The following BFSP2 variants were observed in gnomAD, a reference collection of about 807,000 sequenced individuals.
BFSP2 encodes beaded filament structural protein 2.
In BFSP2, 38 loss-of-function variants were observed where a neutral mutation model predicts 44.9. The observed-to-expected ratio is 0.85, with a 90% confidence interval of 0.65 to 1.11. The LOEUF (loss-of-function observed/expected upper bound fraction) is 1.11, where lower values mean the gene tolerates loss of function less well. BFSP2 is among the 50% of genes least tolerant of loss of function. The pLI is 0.00. For synonymous variants in BFSP2, 197 were observed against 209.9 expected (o/e 0.94, Z 0.53); for missense variants, 525 against 533.0 (o/e 0.99, Z 0.15).
chr3:133,420,043 G>A (rs2073578555), intron 1 of BFSP2, among the ~76,000 whole-genome samples: 1 of 152,212 alleles, frequency 6.6e-6, no homozygotes, highest in African/African-American at 2.4e-5. Context: ...CCCAGTGGTA[G>A]GGGCCAAGAT....
chr3:133,450,184 T>C, intron 3 of BFSP2, 119 bp from the exon 4 acceptor site: 2 of 1,129,298 alleles, frequency 1.8e-6, no homozygotes, highest in Non-Finnish European at 2.6e-6. Flanking sequence ...GTGAAGCCTG[T>C]GTCTGGCAGT....
intron 4 of BFSP2, among the ~76,000 whole-genome samples, chr3:133,459,966 T>G (rs1220207053): frequency 6.6e-6 from 1 of 152,196 alleles, no homozygotes; most frequent in Non-Finnish European, 1.5e-5. Context: ...GAGCACATTC[T>G]AGGTGTAAAA....
intron 3 of BFSP2, 120 bp from the exon 4 acceptor site, chr3:133,450,183 G>A (rs1045324984): frequency 8.9e-7 from 1 of 1,128,778 alleles, no homozygotes; most frequent in Non-Finnish European, 1.3e-6. Flanking sequence ...TGTGAAGCCT[G>A]TGTCTGGCAG....
intron 1 of BFSP2, among the ~76,000 whole-genome samples, chr3:133,412,938 C>G (rs2073470714): frequency 6.6e-6 from 1 of 152,210 alleles, no homozygotes; most frequent in African/African-American, 2.4e-5. Context: ...AACCAGGATG[C>G]TGGTTAGATA....
chr3:133,441,247 G>C (rs1576581548), intron 1 of BFSP2, among the ~76,000 whole-genome samples: 1 of 152,034 alleles, frequency 6.6e-6, no homozygotes, highest in African/African-American at 2.4e-5. Context: ...TGTTGGCCAG[G>C]CTGGTCTCGA....
intron 1 of BFSP2, among the ~76,000 whole-genome samples, chr3:133,431,378 G>T (rs914319979): frequency 4.6e-5 from 7 of 152,144 alleles, no homozygotes; most frequent in African/African-American, 9.7e-5. Context: ...CGTTCCTCCA[G>T]AACCTCCTCC....
chr3:133,462,760 G>A (rs1221753238), intron 4 of BFSP2, among the ~76,000 whole-genome samples: 1 of 152,016 alleles, frequency 6.6e-6, no homozygotes, highest in Non-Finnish European at 1.5e-5. Flanking sequence ...GCTATTTCTT[G>A]GAAAATTCAC....
chr3:133,411,566 C>T (rs1030507706), intron 1 of BFSP2, among the ~76,000 whole-genome samples: 1 of 152,022 alleles, frequency 6.6e-6, no homozygotes, highest in South Asian at 2.1e-4. Context: ...GATTAAGCCT[C>T]AAGATAAAAC....
chr3:133,443,589 C>T (rs137939416), intron 1 of BFSP2, among the ~76,000 whole-genome samples: 5 of 152,172 alleles, frequency 3.3e-5, no homozygotes, highest in Admixed American at 2.0e-4. Flanking sequence ...CTTGGTAATA[C>T]GGTGGCCTTG....
chr3:133,450,271 A>G, intron 3 of BFSP2, 32 bp from the exon 4 acceptor site: 1 of 1,612,614 alleles, frequency 6.2e-7, no homozygotes, highest in Non-Finnish European at 8.5e-7. Flanking sequence ...TTCCCCCCGT[A>G]ACTCATCTAA....
chr3:133,449,955 GAGAGAA>G (rs1171175797), intron 3 of BFSP2, among the ~76,000 whole-genome samples: 3 of 99,418 alleles, frequency 3.0e-5, no homozygotes, highest in African/African-American at 1.4e-4. Context: ...GAGAAAGAGA[GAGAGAA>G]AGAGAAAGAA....
At chr3:133,406,739 G>T (rs986098107) in intron 1 of BFSP2, among the ~76,000 whole-genome samples, 1 of 152,088 alleles carries the variant, frequency 6.6e-6, no homozygotes, top group East Asian at 1.9e-4. Context: ...GCTCTCTCTC[G>T]TTGGTTAGAG....
rs879441136 is a variant in BFSP2 at position 133,433,265 on chromosome 3, T to A, written c.490-14052T>A. On this transcript the variant is annotated intron_variant, in intron 1 of 6. Coordinates refer to ENST00000302334, the MANE Select transcript of BFSP2 (RefSeq NM_003571.4). The stretch of plus-strand genomic sequence containing the variant: ...TCCTCACCCTGATCACACTTAGTTT[T>A]TTGATGGCAGTTCCACCAGGCCTAA... 4.0e-4 allele frequency among the ~76,000 whole-genome samples: 61 copies of A among 152,264 alleles called. 1 individual carries two copies. The highest frequency in any genetic ancestry group is 1.3e-3 in the African/African-American group (56 of 41,510).
chr3:133,418,560 C>T (rs990412256), intron 1 of BFSP2, among the ~76,000 whole-genome samples: 4 of 152,132 alleles, frequency 2.6e-5, no homozygotes, highest in African/African-American at 7.2e-5. Flanking sequence ...CAGGGACAGC[C>T]TTGGGTAGGC....
At chr3:133,421,675 T>C (rs185351762) in intron 1 of BFSP2, among the ~76,000 whole-genome samples, 130 of 152,372 alleles carry the variant, frequency 8.5e-4, no homozygotes, top group Admixed American at 1.8e-3. Context: ...TAACACTGGC[T>C]ATTGTTCTTT....
Position 133,400,425 on chromosome 3 carries a change from C to T in BFSP2, c.342C>T (p.Cys114=), listed in dbSNP as rs371179115. The T allele has an allele frequency of 1.2e-6, 2 of 1,614,044 alleles. No homozygotes were observed. The highest frequency in any genetic ancestry group is 1.7e-6 in the Non-Finnish European group (2 of 1,180,030). The change falls in exon 1 of 7, where the codon TGC becomes TGT. Residue 114 remains cysteine, a synonymous_variant. Transcript: ENST00000302334. This position sits in a 1 kb window ranked among gnomAD's most constrained non-coding sequence, Gnocchi z 4.0. ...GTGCTGTTGAGGACCTAGGGGGCTG[C>T]CTGGTGGAATATATGGCCAAAGTGC... is the stretch of plus-strand genomic sequence containing the variant. ...DHGAVEDLGG[C]LVEYMAKVHA...
chr3:133,400,532 G>A lies in BFSP2; in HGVS notation c.449G>A (p.Trp150Ter). 1 of 1,613,332 alleles carries A rather than the reference G, an allele frequency of 6.2e-7. No homozygotes were observed. Among genetic ancestry groups the A allele is most frequent in the South Asian group, 1.1e-5 (1 of 91,020 alleles). ...LESKATRSGNWGALRASWASS... is the reference protein window; with the variant it reads ...LESKATRSGN ...AGCAAAGCCACACGCTCGGGAAACTGGGGTGCCCTACGGGCTTCCTGGGCC... is the reference window on the plus strand; with the variant it reads ...AGCAAAGCCACACGCTCGGGAAACTAGGGTGCCCTACGGGCTTCCTGGGCC... The change falls in exon 1 of 7, where the codon TGG becomes TAG. Residue 150 changes from tryptophan (W) to a stop codon, truncating the protein, a stop_gained. Coordinates refer to ENST00000302334, the MANE Select transcript of BFSP2 (RefSeq NM_003571.4). LOFTEE classifies it high-confidence loss of function. The surrounding 1 kb of genome is among the most constrained non-coding windows in gnomAD (Gnocchi z 4.0).
rs369202812 is a variant in BFSP2, at chr3:133,400,305, C to G, written c.222C>G (p.Thr74=). The change falls in exon 1 of 7, where the codon ACC becomes ACG. Residue 74 remains threonine, a synonymous_variant. Transcript: ENST00000302334. This position sits in a 1 kb window ranked among gnomAD's most constrained non-coding sequence, Gnocchi z 4.0. ...TAGGTGGCTTGGGTGCCCGTGTGACCCGCCGGGCCCTCGGCATCAGCAGTG... is the reference window on the plus strand; with the variant it reads ...TAGGTGGCTTGGGTGCCCGTGTGACGCGCCGGGCCCTCGGCATCAGCAGTG... ...GCIGGLGARV[T]RRALGISSVF... is the part of the protein sequence containing the mutation. 6.2e-7 allele frequency: 1 copy of G among 1,614,012 alleles called. No individual in the cohort carries two copies. The highest frequency in any genetic ancestry group is 2.2e-5 in the East Asian group (1 of 44,884).
At chr3:133,406,116 A>T (rs922494324) in intron 1 of BFSP2, among the ~76,000 whole-genome samples, 2,568 of 144,220 alleles carry the variant, frequency 0.018, 78 homozygotes, top group African/African-American at 0.062. Flanking sequence ...ATATCCAGCT[A>T]TTTTTTTTTT....
Sources: gnomAD v4.1 joint callset for allele counts (sites outside exome capture counted in the v4.1 genomes callset) on GRCh38, gnomAD v4.1.1 for gene constraint, Gnocchi (gnomAD v3.1) non-coding constraint, MANE v1.5 for transcripts, NCBI Gene and HGNC (gene_info 2026-07-23, HGNC 2026-07-21) for gene names.